Variants in PDE8B observed in about 807,000 individuals in gnomAD.
PDE8B encodes the protein high affinity cAMP-specific and IBMX-insensitive 3',5'-cyclic phosphodiesterase 8B.
Under a neutral mutation model 101.3 loss-of-function variants are expected in PDE8B, and 26 were observed. The observed-to-expected ratio is 0.26, with a 90% CI of 0.19 to 0.36. The LOEUF is 0.36. Ranked by LOEUF, PDE8B falls within the 10% of genes least tolerant of loss-of-function variation. PDE8B has a pLI of 1.00. For missense variants in PDE8B, 810 were observed against 1,163.1 expected (o/e 0.70, Z 4.42); for synonymous variants, 424 against 429.3 (o/e 0.99, Z 0.15).
Position 77,312,020 on chromosome 5 carries a change from C to A in PDE8B, c.366C>A (p.Ile122=). Residue 122 remains isoleucine, a synonymous_variant, in exon 2 of 22, where the codon ATC becomes ATA. Transcript: ENST00000264917. ...AGGTGTCTTCTGCGGAGGTGCGCAT[C>A]GGGCCCATGAGACTGACGCAGGACC... is the stretch of plus-strand genomic sequence containing the variant. ...VKQVSSAEVR[I]GPMRLTQDPI... 2 of 1,613,174 alleles carry A rather than the reference C, an allele frequency of 1.2e-6. No homozygotes were observed. The highest frequency in any genetic ancestry group is 1.7e-6 in the Non-Finnish European group (2 of 1,179,472).
chr5:77,339,329 G>A (rs1347852679), intron 6 of PDE8B, among the ~76,000 whole-genome samples: 2 of 152,154 alleles, frequency 1.3e-5, no homozygotes, highest in Admixed American at 6.5e-5. Context: ...CGAAGGTAGT[G>A]GCCCCAGGAA....
intron 1 of PDE8B, among the ~76,000 whole-genome samples, chr5:77,302,401 A>G (rs1185349765): frequency 6.6e-6 from 1 of 152,180 alleles, no homozygotes; most frequent in African/African-American, 2.4e-5. Flanking sequence ...GGGCAGTGTA[A>G]GATGCTGTGC....
chr5:77,131,320 A>AC, the PDE8B span: 1 of 152,172 alleles, frequency 6.6e-6, no homozygotes, highest in Non-Finnish European at 1.5e-5. Flanking sequence ...GTCATTCACC[A>AC]CCACCTGTTC....
intron 10 of PDE8B, among the ~76,000 whole-genome samples, chr5:77,361,516 CTTTT>C (rs34128451): frequency 2.1e-5 from 3 of 139,974 alleles, no homozygotes; most frequent in Non-Finnish European, 3.1e-5. Flanking sequence ...TTTCATCTTA[CTTTT>C]TTTTTTTTTT....
chr5:77,381,401 T>C (rs1364356549), intron 10 of PDE8B, among the ~76,000 whole-genome samples: 1 of 152,202 alleles, frequency 6.6e-6, no homozygotes, highest in Non-Finnish European at 1.5e-5. Context: ...CATACTGATA[T>C]ATCTGGTGAT....
chr5:77,356,516 G>A (rs182778405), intron 10 of PDE8B, among the ~76,000 whole-genome samples: 11 of 152,228 alleles, frequency 7.2e-5, no homozygotes, highest in East Asian at 1.9e-4. Flanking sequence ...TGCAACCTCC[G>A]CCTCCTGGGT....
intron 10 of PDE8B, among the ~76,000 whole-genome samples, chr5:77,390,123 T>C (rs1043733510): frequency 8.5e-5 from 13 of 152,146 alleles, no homozygotes; most frequent in African/African-American, 2.9e-4. Flanking sequence ...TTCTGGTGGG[T>C]GTGTAGATAA....
At position 77,265,119 on chromosome 5, in the gene PDE8B, A is replaced by G. The variant is rs975239765; in HGVS notation, c.340-46875A>G. ...GTGGGAGTCTCTAGCCCTCCACCCT[A>G]GCACTGTGGCAGGTAACTCATCTGG... On this transcript the variant is annotated intron_variant, in intron 1 of 21. Transcript: ENST00000264917. Among the ~76,000 whole-genome samples the G allele has an allele frequency of 3.9e-5, 6 of 152,164 alleles. No homozygotes were observed. The East Asian group carries it at 5.8e-4, about 15-fold the overall frequency.
the PDE8B span, among the ~76,000 whole-genome samples, chr5:77,124,209 C>G: frequency 6.6e-6 from 1 of 152,150 alleles, no homozygotes; most frequent in African/African-American, 2.4e-5. Context: ...ATATGAAGAA[C>G]AGTCAAGAGA....
At chr5:77,403,954 A>G (rs2127393) in intron 11 of PDE8B, among the ~76,000 whole-genome samples, 152,114 of 152,144 alleles carry the variant, frequency 1, 76,042 homozygotes, top group Middle Eastern at 1. Flanking sequence ...AAGTAGCTGG[A>G]ATTACAGGCA....
chr5:77,327,141 A>G (rs926965130), intron 3 of PDE8B, among the ~76,000 whole-genome samples: 1 of 152,194 alleles, frequency 6.6e-6, no homozygotes, highest in Non-Finnish European at 1.5e-5. Flanking sequence ...CCCAGCACAC[A>G]TTCCCTGGGG....
chr5:77,346,957 ATAGT>A lies in PDE8B; in HGVS notation c.876+2030_876+2033del, dbSNP rs547482152. 5.2e-3 allele frequency among the ~76,000 whole-genome samples: 799 copies of A among 152,296 alleles called. 3 individuals carry two copies. The highest frequency in any genetic ancestry group is 8.6e-3 in the Non-Finnish European group (584 of 68,016). On this transcript the variant is annotated intron_variant, in intron 7 of 21. Transcript: ENST00000264917. ...ATCCTTTTCAGGGCACTCCAATCAA[ATAGT>A]TAGATGCCTTTTTGAATACAAATCT...
the PDE8B span, among the ~76,000 whole-genome samples, chr5:77,164,716 A>G: frequency 6.6e-6 from 1 of 152,220 alleles, no homozygotes; most frequent in Non-Finnish European, 1.5e-5. Flanking sequence ...TTCACCTGGA[A>G]CAGAAGGTGT....
rs1797976191 is a variant in PDE8B at position 77,425,859 on chromosome 5, T to C, written c.2511T>C (p.Ile837=). 1.9e-6 allele frequency: 3 copies of C among 1,613,726 alleles called. No homozygotes were observed. The highest frequency in any genetic ancestry group is 2.5e-6 in the Non-Finnish European group (3 of 1,179,606). The change falls in exon 21 of 22, where the codon ATT becomes ATC. Residue 837 remains isoleucine (I), a synonymous_variant. Transcript: ENST00000264917. ...CSIPKSQISF[I]DYFITDMFDA... is the part of the protein sequence containing the mutation. ...TCCCCAAGTCTCAGATCTCTTTCATTGACTACTTCATAACAGACATGTTTG... is the reference window on the plus strand; with the variant it reads ...TCCCCAAGTCTCAGATCTCTTTCATCGACTACTTCATAACAGACATGTTTG...
chr5:77,233,516 TG>T (rs1016573057), intron 1 of PDE8B, among the ~76,000 whole-genome samples: 1 of 152,168 alleles, frequency 6.6e-6, no homozygotes, highest in African/African-American at 2.4e-5. Context: ...TAGCTTACTA[TG>T]GTAAGCTTTC....
intron 1 of PDE8B, among the ~76,000 whole-genome samples, chr5:77,276,907 G>A (rs1445178977): frequency 6.6e-6 from 1 of 152,120 alleles, no homozygotes; most frequent in Non-Finnish European, 1.5e-5. Flanking sequence ...TGAGCCCAGA[G>A]GGATGCCACT....
chr5:77,287,942 C>G (rs571776422), intron 1 of PDE8B, among the ~76,000 whole-genome samples: 48 of 152,176 alleles, frequency 3.2e-4, no homozygotes, highest in Non-Finnish European at 5.6e-4. Flanking sequence ...TTTTTTCCCT[C>G]TCTTGGCTTT....
intron 2 of PDE8B, among the ~76,000 whole-genome samples, chr5:77,317,661 C>G (rs1245680130): frequency 1.3e-5 from 2 of 152,304 alleles, no homozygotes; most frequent in East Asian, 1.9e-4. Context: ...CAACATGATA[C>G]TGTCTGAAAA....
chr5:77,267,652 A>G (rs190498139), intron 1 of PDE8B, among the ~76,000 whole-genome samples: 19 of 151,972 alleles, frequency 1.3e-4, no homozygotes, highest in Admixed American at 1.1e-3. Flanking sequence ...CTCTGTCCCA[A>G]CTCTCACCAG....
Sources: allele counts gnomAD v4.1 joint callset (sites outside exome capture counted in the v4.1 genomes callset), GRCh38; gene constraint gnomAD v4.1.1; transcripts MANE v1.5; gene names NCBI Gene and HGNC (gene_info 2026-07-23, HGNC 2026-07-21).